The following ZBTB45 variants were observed in gnomAD, a reference collection of about 807,000 sequenced individuals.
The protein encoded by ZBTB45 is zinc finger and BTB domain containing 45.
In ZBTB45, 22 loss-of-function variants were observed where a neutral mutation model predicts 28.4. That is an observed-to-expected ratio of 0.77 (90% confidence interval 0.55 to 1.10). The LOEUF is 1.10. Ranked by LOEUF, ZBTB45 falls within the 50% of genes least tolerant of loss-of-function variation. The pLI is 0.00. For synonymous variants in ZBTB45, 361 were observed against 332.3 expected (o/e 1.09, Z -0.94); for missense variants, 656 against 750.2 (o/e 0.87, Z 1.47).
intron 1 of ZBTB45, among the ~76,000 whole-genome samples, chr19:58,525,491 T>C (rs2053602602): frequency 1.3e-5 from 2 of 151,718 alleles, no homozygotes; most frequent in African/African-American, 4.8e-5. Flanking sequence ...ATGGGAGCCG[T>C]GTGAGGTGTG....
chr19:58,532,761 T>C (rs2053641370), intron 1 of ZBTB45, among the ~76,000 whole-genome samples: 1 of 152,132 alleles, frequency 6.6e-6, no homozygotes, highest in African/African-American at 2.4e-5. Flanking sequence ...TTGGGCAGTC[T>C]GGTCTCAGAC....
At chr19:58,530,474 CTT>C (rs939660823) in intron 1 of ZBTB45, among the ~76,000 whole-genome samples, 167 of 148,662 alleles carry the variant, frequency 1.1e-3, no homozygotes, top group African/African-American at 4.0e-3. Context: ...GCCTGGCTAA[CTT>C]TGTATTTTTA....
chr19:58,514,499 C>A (rs1442107139), intron 2 of ZBTB45, among the ~76,000 whole-genome samples, 189 bp from the exon 3 acceptor site: 2 of 151,956 alleles, frequency 1.3e-5, no homozygotes, highest in Non-Finnish European at 2.9e-5. Flanking sequence ...CCAGCAGGGA[C>A]ACCCCCTCCT....
upstream of ZBTB45, among the ~76,000 whole-genome samples, chr19:58,520,909 G>A (rs1157454442): frequency 1.3e-5 from 2 of 151,546 alleles, no homozygotes; most frequent in South Asian, 2.1e-4. Flanking sequence ...AAAATTAGCT[G>A]GGCGTGGTGG....
intron 1 of ZBTB45, among the ~76,000 whole-genome samples, chr19:58,517,972 G>A (rs1423414871): frequency 6.6e-6 from 1 of 151,724 alleles, no homozygotes; most frequent in African/African-American, 2.4e-5. Context: ...CTCCCGAAAA[G>A]GTTCAGGCCT....
At position 58,514,042 on chromosome 19, in the gene ZBTB45, G is replaced by A; in HGVS notation, c.*12C>T. 7.1e-7 allele frequency: 1 copy of A among 1,416,514 alleles called. No individual in the cohort carries two copies. The allele number at this position is 1,416,514 out of a possible 1,614,324, so 87.7% of individuals were successfully genotyped here. ...CCGGATCCACCGTGGGCGAGGCCAG[G>A]CCCCAGCGCCATCAGGGCGCAGGGT... On this transcript the variant is annotated 3_prime_UTR_variant, in exon 3 of 3. Transcript: ENST00000594051.
chr19:58,529,888 C>T (rs893628024), intron 1 of ZBTB45, among the ~76,000 whole-genome samples: 1 of 152,106 alleles, frequency 6.6e-6, no homozygotes, highest in South Asian at 2.1e-4. Flanking sequence ...ATTAGTACTT[C>T]CTTTTTATGG....
chr19:58,518,358 G>A (rs942987961), intron 1 of ZBTB45, among the ~76,000 whole-genome samples: 1 of 152,166 alleles, frequency 6.6e-6, no homozygotes, highest in Non-Finnish European at 1.5e-5. Flanking sequence ...AGTCACTAAG[G>A]GCTGAGGGTA....
chr19:58,521,933 C>T (rs534433056), upstream of ZBTB45, among the ~76,000 whole-genome samples: 1 of 152,246 alleles, frequency 6.6e-6, no homozygotes, highest in East Asian at 1.9e-4. Context: ...GGATGCCTGT[C>T]CTTCACCCAG....
At position 58,517,062 on chromosome 19, in the gene ZBTB45, A is replaced by G; in HGVS notation, c.612T>C (p.Asp204=). The G allele has an allele frequency of 6.2e-7, 1 of 1,613,168 alleles. No homozygotes were observed. Among genetic ancestry groups the G allele is most frequent in the Non-Finnish European group, 8.5e-7 (1 of 1,179,938 alleles). Residue 204 remains aspartate (D), a synonymous_variant, in exon 2 of 3, where the codon GAT becomes GAC. Transcript: ENST00000594051. ...DADPSLSAAP[D]DRGDEDDEES... Reference sequence around the variant, plus strand: ...CCTCGTCATCCTCGTCACCTCGGTCATCAGGGGCCGCGGACAGTGAGGGGT... The same window carrying G: ...CCTCGTCATCCTCGTCACCTCGGTCGTCAGGGGCCGCGGACAGTGAGGGGT...
At chr19:58,537,625 A>G (rs112892833) in intron 1 of ZBTB45, among the ~76,000 whole-genome samples, 1,556 of 152,138 alleles carry the variant, frequency 0.01, 27 homozygotes, top group African/African-American at 0.035. Flanking sequence ...TTTCTGCTCA[A>G]CTGCCTTCCT....
chr19:58,530,379 C>T (rs1422502643), intron 1 of ZBTB45, among the ~76,000 whole-genome samples: 1 of 151,860 alleles, frequency 6.6e-6, no homozygotes, highest in East Asian at 1.9e-4. Context: ...ATGATCTCGG[C>T]TCACCACAAC....
chr19:58,530,108 G>A lies in ZBTB45; in HGVS notation c.-1+8593C>T, dbSNP rs368874856. Reference sequence around the variant, plus strand: ...GTCCCAGCTACTTGGGTAGGCTGAGGCAGGAGGATCACTTGAGCCTGGGAG... The same window carrying A: ...GTCCCAGCTACTTGGGTAGGCTGAGACAGGAGGATCACTTGAGCCTGGGAG... On this transcript the variant is annotated intron_variant, in intron 1 of 1. Transcript: ENST00000600130. 4.6e-5 allele frequency among the ~76,000 whole-genome samples: 7 copies of A among 152,104 alleles called. No homozygotes were observed. In the East Asian group the frequency reaches 9.7e-4, roughly 21 times the overall value.
intron 1 of ZBTB45, among the ~76,000 whole-genome samples, chr19:58,531,904 T>TA (rs1234721021): frequency 6.6e-6 from 1 of 152,192 alleles, no homozygotes; most frequent in Non-Finnish European, 1.5e-5. Flanking sequence ...CAGGCTCAGC[T>TA]AGGACTTTCC....
At chr19:58,523,575 A>G (rs980387700), upstream of ZBTB45, among the ~76,000 whole-genome samples, 137 of 147,996 alleles carry the variant, frequency 9.3e-4, no homozygotes, top group African/African-American at 3.2e-3. Flanking sequence ...GAGGCAGGAG[A>G]ATAGCTTGAA....
chr19:58,519,413 G>A (rs1568646010), intron 1 of ZBTB45: 1 of 152,478 alleles, frequency 6.6e-6, no homozygotes, highest in African/African-American at 2.4e-5. Context: ...GGACACTTCA[G>A]AACAAAGGCC....
chr19:58,526,538 T>A lies in ZBTB45; in HGVS notation c.1-8865A>T, dbSNP rs1170741050. Among the ~76,000 whole-genome samples, 326 of 135,434 alleles carry A rather than the reference T, an allele frequency of 2.4e-3. 1 individual carries two copies. The highest frequency in any genetic ancestry group is 5.6e-3 in the East Asian group (26 of 4,666). 88.8% of individuals were successfully genotyped at this position (135,434 alleles called of 152,430 possible). The stretch of plus-strand genomic sequence containing the variant: ...ATTATTATTATTATTTTTTTTTTTT[T>A]TTTTTTTTTTTGAGATGGAGTCTCG... On this transcript the variant is annotated intron_variant, in intron 1 of 1. Transcript: ENST00000600130.
chr19:58,538,391 A>C (rs1478401577), intron 1 of ZBTB45, among the ~76,000 whole-genome samples: 1 of 150,554 alleles, frequency 6.6e-6, no homozygotes, highest in Non-Finnish European at 1.5e-5. Context: ...GGGCGTCTTC[A>C]GGGTGGTGGG....
In ZBTB45 at chr19:58,519,043, C is replaced by G. The variant is rs145175246; in HGVS notation, c.-1+699G>C. 8.8e-3 allele frequency: 1,348 copies of G among 152,626 alleles called. 9 individuals carry two copies. The highest frequency in any genetic ancestry group is 0.014 in the Non-Finnish European group (954 of 68,236). 9.5% of individuals were successfully genotyped at this position (152,626 alleles called of 1,614,324 possible). A position where few individuals can be genotyped will look rare whatever the true frequency, so the allele number is the denominator to read the frequency against. On this transcript the variant is annotated intron_variant, in intron 1 of 2. Transcript: ENST00000594051. ...CCTCCACTGCCCCGTTCCCGCTGTC[C>G]TGGACGGATGAAGAAACCTGGCTGG...
Sources: gnomAD v4.1 joint callset for allele counts (sites outside exome capture counted in the v4.1 genomes callset) on GRCh38, gnomAD v4.1.1 for gene constraint, MANE v1.5 for transcripts, NCBI Gene and HGNC (gene_info 2026-07-23, HGNC 2026-07-21) for gene names.